The following PCDHGB7 variants were observed in gnomAD, a reference collection of about 807,000 sequenced individuals.
PCDHGB7 encodes the protein protocadherin gamma subfamily B, 7, also known as protocadherin gamma-B7.
A neutral mutation model predicts 61.4 loss-of-function variants in PCDHGB7; 37 were observed. That is an observed-to-expected ratio of 0.60 (90% CI 0.46 to 0.79). The LOEUF is 0.79. Among genes scored for constraint, PCDHGB7 ranks in the 30% least tolerant of loss-of-function variants. PCDHGB7 has a pLI of 0.00. For missense variants in PCDHGB7, 1,166 were observed against 1,202.5 expected (o/e 0.97, Z 0.45); for synonymous variants, 464 against 503.5 (o/e 0.92, Z 1.05).
intron 2 of PCDHGB7, 102 bp from the exon 3 acceptor site, chr5:141,505,291 G>A (rs2154593677): frequency 1.3e-6 from 2 of 1,565,092 alleles, no homozygotes; most frequent in Non-Finnish European, 1.7e-6. Context: ...TGGGCATGGG[G>A]TAGGGTTAGG....
At chr5:141,469,104 C>G (rs1046234848) in intron 1 of PCDHGB7, among the ~76,000 whole-genome samples, 3 of 151,760 alleles carry the variant, frequency 2.0e-5, no homozygotes, top group Middle Eastern at 3.2e-3. Flanking sequence ...AAGCAAGAAC[C>G]TGTCTCTAAA....
In PCDHGB7 at chr5:141,486,432, G is replaced by T; in HGVS notation, c.2416-8375G>T. On this transcript the variant is annotated intron_variant, in intron 1 of 3. Coordinates refer to ENST00000398594, the MANE Select transcript of PCDHGB7 (RefSeq NM_018927.4). This position sits in a 1 kb window ranked among gnomAD's most constrained non-coding sequence, Gnocchi z 5.0. ...CCCTTGGATCGAGAGGCCAAATCTA[G>T]CTATGACATCATGGTCACTGCTTCT... 4 of 1,614,172 alleles carry T rather than the reference G, an allele frequency of 2.5e-6. No homozygotes were observed. Among genetic ancestry groups the T allele is most frequent in the Non-Finnish European group, 2.5e-6 (3 of 1,180,020 alleles).
chr5:141,468,049 G>C (rs2099156671), intron 1 of PCDHGB7, among the ~76,000 whole-genome samples: 1 of 152,068 alleles, frequency 6.6e-6, no homozygotes, highest in African/African-American at 2.4e-5. Context: ...ACTAAGCCGG[G>C]CACAGTGGCT....
At chr5:141,422,399 T>C in intron 1 of PCDHGB7, 3 of 1,598,374 alleles carry the variant, frequency 1.9e-6, no homozygotes, top group Non-Finnish European at 2.6e-6. Context: ...CCTAACCACC[T>C]GCCTTTTAAA....
intron 1 of PCDHGB7, chr5:141,427,787 C>A (rs2097070880): frequency 6.8e-7 from 1 of 1,478,064 alleles, no homozygotes; most frequent in Non-Finnish European, 9.4e-7. Context: ...CACTGTCGTC[C>A]TACGTGTCCG....
intron 1 of PCDHGB7, among the ~76,000 whole-genome samples, chr5:141,463,128 A>G (rs914895217): frequency 1.5e-4 from 23 of 152,190 alleles, no homozygotes; most frequent in Admixed American, 1.4e-3. Context: ...GCTCCCTGGC[A>G]GTTCTTCGCC....
chr5:141,464,843 A>G lies in PCDHGB7; in HGVS notation c.2416-29964A>G, dbSNP rs183890796. On this transcript the variant is annotated intron_variant, in intron 1 of 3. Coordinates refer to ENST00000398594, the MANE Select transcript of PCDHGB7 (RefSeq NM_018927.4). Reference sequence around the variant, plus strand: ...AGCCTCGCACTCCTGGGCTCAAGCAATCCTCCTACCTTAGCCTCCCAAGTA... The same window carrying G: ...AGCCTCGCACTCCTGGGCTCAAGCAGTCCTCCTACCTTAGCCTCCCAAGTA... 1.5e-3 allele frequency among the ~76,000 whole-genome samples: 231 copies of G among 152,234 alleles called. 1 individual carries two copies. Among genetic ancestry groups the G allele is most frequent in the Non-Finnish European group, 2.3e-3 (159 of 68,018 alleles).
In PCDHGB7 at chr5:141,512,237, G is replaced by A. The variant is rs2099884134; in HGVS notation, c.*1064G>A. ...AGGACCAGGTCCCCTTGAGAGGTCA[G>A]AGGGGCCTCTGTGGGTGCTGGGTAC... On this transcript the variant is annotated 3_prime_UTR_variant, in exon 4 of 4. Transcript: ENST00000398594. 1 of 152,774 alleles carries A rather than the reference G, an allele frequency of 6.5e-6. No homozygotes were observed. The highest frequency in any genetic ancestry group is 1.5e-5 in the Non-Finnish European group (1 of 68,148). The allele number at this position is 152,774 out of a possible 1,614,324, so 9.5% of individuals were successfully genotyped here.
chr5:141,460,951 G>GTA (rs200454978), intron 1 of PCDHGB7, among the ~76,000 whole-genome samples: 2,366 of 139,742 alleles, frequency 0.017, 20 homozygotes, highest in Middle Eastern at 0.037. Flanking sequence ...TATGTATTAT[G>GTA]TATATATATA....
intron 1 of PCDHGB7, chr5:141,422,005 A>G (rs2154549470): frequency 6.2e-7 from 1 of 1,609,814 alleles, no homozygotes; most frequent in Middle Eastern, 1.7e-4. Context: ...CAGCTCCGGA[A>G]CTCGGGTGCT....
Position 141,489,978 on chromosome 5 carries a change from T to C in PCDHGB7, c.2416-4829T>C. 6.2e-7 allele frequency: 1 copy of C among 1,614,192 alleles called. No homozygotes were observed. Among genetic ancestry groups the C allele is most frequent in the Non-Finnish European group, 8.5e-7 (1 of 1,180,012 alleles). On this transcript the variant is annotated intron_variant, in intron 1 of 3. Coordinates refer to ENST00000398594, the MANE Select transcript of PCDHGB7 (RefSeq NM_018927.4). The surrounding 1 kb of genome is among the most constrained non-coding windows in gnomAD (Gnocchi z 4.5). ...ATGCTCCAACCTTCCAATCCTCAGT[T>C]CTACGTGTGGGAATCCCAGAGAATG...
rs752988020 is a variant in PCDHGB7, at chr5:141,418,211, C to T, written c.352C>T (p.His118Tyr). 2 of 1,613,916 alleles carry T rather than the reference C, an allele frequency of 1.2e-6. No homozygotes were observed. Among genetic ancestry groups the T allele is most frequent in the East Asian group, 4.5e-5 (2 of 44,892 alleles). The change falls in exon 1 of 4, where the codon CAT becomes TAT. Residue 118 changes from histidine (H) to tyrosine (Y), a missense_variant. Transcript: ENST00000398594. ...AVVENPLNIF[H>Y]VIVVIEDVND... Reference sequence around the variant, plus strand: ...GGTGGAAAATCCTTTAAATATTTTTCATGTCATTGTGGTGATTGAGGATGT... The same window carrying T: ...GGTGGAAAATCCTTTAAATATTTTTTATGTCATTGTGGTGATTGAGGATGT...
intron 1 of PCDHGB7, chr5:141,423,436 C>A (rs2096740667): frequency 6.2e-7 from 1 of 1,613,782 alleles, no homozygotes; most frequent in Non-Finnish European, 8.5e-7. Context: ...GGCAGGTATG[C>A]CCACGTCACA....
At chr5:141,492,727 G>A (rs2099743408) in intron 1 of PCDHGB7, among the ~76,000 whole-genome samples, 1 of 152,274 alleles carries the variant, frequency 6.6e-6, no homozygotes, top group South Asian at 2.1e-4. Flanking sequence ...GACAGGCAGA[G>A]CTGCCCAGTG....
intron 1 of PCDHGB7, chr5:141,427,796 C>A: frequency 6.7e-7 from 1 of 1,502,108 alleles, no homozygotes; most frequent in Non-Finnish European, 9.2e-7. Flanking sequence ...CCTACGTGTC[C>A]GTGAGCGCAC....
intron 1 of PCDHGB7, among the ~76,000 whole-genome samples, chr5:141,442,703 C>A (rs1405830887): frequency 6.6e-6 from 1 of 152,218 alleles, no homozygotes; most frequent in Admixed American, 6.5e-5. Flanking sequence ...ACAAGAGTAT[C>A]AGACATGCCA....
At position 141,485,142 on chromosome 5, in the gene PCDHGB7, A is replaced by C. The variant is rs979255582; in HGVS notation, c.2416-9665A>C. 5 of 1,554,566 alleles carry C rather than the reference A, an allele frequency of 3.2e-6. No homozygotes were observed. The highest frequency in any genetic ancestry group is 3.5e-6 in the Non-Finnish European group (4 of 1,131,592). On this transcript the variant is annotated intron_variant, in intron 1 of 3. Transcript: ENST00000398594. The surrounding 1 kb of genome is among the most constrained non-coding windows in gnomAD (Gnocchi z 5.7). ...GGCGGGTCGGCTTCATCCGCGTCTC[A>C]GGAGCAAGTAGAGAATTAGCGGGCG... is the stretch of plus-strand genomic sequence containing the variant.
chr5:141,423,940 G>A (rs937456850), intron 1 of PCDHGB7: 1 of 1,217,098 alleles, frequency 8.2e-7, no homozygotes, highest in Non-Finnish European at 1.0e-6. Flanking sequence ...TTTGAAGTAA[G>A]TTGAATTTTA....
rs115568443 is a variant in PCDHGB7 at position 141,439,423 on chromosome 5, A to G, written c.2415+19149A>G. On this transcript the variant is annotated intron_variant, in intron 1 of 3. Coordinates refer to ENST00000398594, the MANE Select transcript of PCDHGB7 (RefSeq NM_018927.4). ...TGTGCTAACATCACTGAGGTTATAA[A>G]TTCCCAGGAATATTTTATTGCGGGA... 1.0e-2 allele frequency among the ~76,000 whole-genome samples: 1,522 copies of G among 152,306 alleles called. 34 individuals carry two copies. Among genetic ancestry groups the G allele is most frequent in the African/African-American group, 0.034 (1,425 of 41,558 alleles).
Sources: allele counts gnomAD v4.1 joint callset (sites outside exome capture counted in the v4.1 genomes callset), GRCh38; gene constraint gnomAD v4.1.1; non-coding constraint Gnocchi (gnomAD v3.1); transcripts MANE v1.5; gene names NCBI Gene and HGNC (gene_info 2026-07-23, HGNC 2026-07-21).